Variants in MYO16 observed in about 807,000 individuals in gnomAD.
The protein encoded by MYO16 is myosin XVI.
In MYO16, 94 loss-of-function variants were observed where a neutral mutation model predicts 205.3. The ratio of observed to expected loss-of-function variants is 0.46; its 90% CI spans 0.39 to 0.54. The LOEUF (loss-of-function observed/expected upper bound fraction) is 0.54. Ranked by LOEUF, MYO16 falls within the 20% of genes least tolerant of loss-of-function variation. MYO16 has a pLI of 0.00. For missense variants in MYO16, 2,315 were observed against 2,387.5 expected (o/e 0.97, Z 0.63); for synonymous variants, 988 against 954.0 (o/e 1.04, Z -0.66).
intron 9 of MYO16, among the ~76,000 whole-genome samples, chr13:108,824,237 G>A (rs1031764273): frequency 6.6e-5 from 10 of 151,870 alleles, no homozygotes; most frequent in Non-Finnish European, 1.3e-4. Flanking sequence ...ATTAAACATT[G>A]GAAAGCTTGT....
At chr13:108,801,479 T>G (rs1237665350) in intron 6 of MYO16, among the ~76,000 whole-genome samples, 2 of 152,210 alleles carry the variant, frequency 1.3e-5, no homozygotes. Context: ...TATATGATAA[T>G]CACCAACAAA....
chr13:108,918,774 A>G (rs942529654), intron 16 of MYO16, among the ~76,000 whole-genome samples: 32 of 152,270 alleles, frequency 2.1e-4, no homozygotes, highest in African/African-American at 7.5e-4. Flanking sequence ...CCCCATCTCT[A>G]CTAAAAATAC....
chr13:109,052,533 T>C (rs1887279218), intron 25 of MYO16, 58 bp downstream of exon 25: 2 of 1,320,154 alleles, frequency 1.5e-6, no homozygotes, highest in Non-Finnish European at 2.1e-6. Context: ...TATATTTGCT[T>C]CTTTTTTTTT....
chr13:108,595,132 T>C (rs1262209112), upstream of MYO16, among the ~76,000 whole-genome samples: 3 of 152,232 alleles, frequency 2.0e-5, no homozygotes, highest in Non-Finnish European at 4.4e-5. Flanking sequence ...TCTTGACTTC[T>C]GTGGTGAGTA....
intron 28 of MYO16, among the ~76,000 whole-genome samples, chr13:109,117,147 C>G (rs145250157): frequency 1.3e-3 from 191 of 152,188 alleles, no homozygotes; most frequent in African/African-American, 4.5e-3. Flanking sequence ...TGCTGAATGA[C>G]TCTAGGGTCT....
intron 11 of MYO16, among the ~76,000 whole-genome samples, chr13:108,862,735 C>T (rs1287395222): frequency 6.6e-6 from 1 of 152,092 alleles, no homozygotes; most frequent in African/African-American, 2.4e-5. Flanking sequence ...GTTAATTTAA[C>T]AATTTCAATT....
intron 23 of MYO16, among the ~76,000 whole-genome samples, chr13:109,020,575 C>T (rs901122685): frequency 1.3e-5 from 2 of 152,166 alleles, no homozygotes; most frequent in African/African-American, 4.8e-5. Context: ...CCCTTAAACT[C>T]CATTACATTA....
chr13:109,061,446 T>C (rs913130370), intron 27 of MYO16, among the ~76,000 whole-genome samples: 1 of 152,206 alleles, frequency 6.6e-6, no homozygotes, highest in Non-Finnish European at 1.5e-5. Context: ...CTTCCTTTTA[T>C]GTAAAAACTT....
At chr13:108,695,217 A>T (rs7982938) in intron 2 of MYO16, among the ~76,000 whole-genome samples, 1 of 152,086 alleles carries the variant, frequency 6.6e-6, no homozygotes, top group Non-Finnish European at 1.5e-5. Context: ...GAGGTAACAT[A>T]CCACCTTCAT....
intron 1 of MYO16, among the ~76,000 whole-genome samples, chr13:108,636,361 T>TG (rs1266809434): frequency 4.7e-3 from 444 of 95,134 alleles, no homozygotes; most frequent in Non-Finnish European, 6.6e-3. Flanking sequence ...TTTTTTTTTT[T>TG]TTTTTTTTTG....
chr13:109,023,727 A>T (rs1422403038), intron 23 of MYO16, among the ~76,000 whole-genome samples: 2 of 133,318 alleles, frequency 1.5e-5, no homozygotes, highest in Non-Finnish European at 1.5e-5. Flanking sequence ...ATATGTATAT[A>T]TGCATATATA....
At chr13:108,651,546 G>A (rs1881005517) in intron 1 of MYO16, among the ~76,000 whole-genome samples, 1 of 152,166 alleles carries the variant, frequency 6.6e-6, no homozygotes, top group South Asian at 2.1e-4. Context: ...TTTATGTCAT[G>A]TGTATTGGTG....
At chr13:109,174,615 C>G (rs1015992717) in intron 33 of MYO16, among the ~76,000 whole-genome samples, 1 of 152,108 alleles carries the variant, frequency 6.6e-6, no homozygotes, top group African/African-American at 2.4e-5. Flanking sequence ...AGAATTCAAA[C>G]CCTCTTGCCA....
At chr13:108,864,616 C>A (rs566043630) in intron 11 of MYO16, among the ~76,000 whole-genome samples, 1 of 152,194 alleles carries the variant, frequency 6.6e-6, no homozygotes, top group East Asian at 1.9e-4. Flanking sequence ...GCAGCCTCAA[C>A]CTTCCAGGAT....
At chr13:108,588,723 G>T in the MYO16 span, among the ~76,000 whole-genome samples, 17 of 152,082 alleles carry the variant, frequency 1.1e-4, no homozygotes, top group African/African-American at 4.1e-4. Context: ...ATGTGTCATT[G>T]CCAAGGCGTG....
In MYO16 at chr13:109,159,811, C is replaced by T. The variant is rs76685315; in HGVS notation, c.5165-5090C>T. 8.1e-4 allele frequency among the ~76,000 whole-genome samples: 123 copies of T among 152,276 alleles called. 2 individuals carry two copies. In the East Asian group the frequency reaches 0.021, roughly 26 times the overall value. ...AGAGAGGCTGGGAGGCTGACAGGGC[C>T]GGGAAGGCAAGACCGAGGCCAAGGC... On this transcript the variant is annotated intron_variant, in intron 32 of 34. Coordinates refer to ENST00000457511, the MANE Select transcript of MYO16 (RefSeq NM_001198950.3).
At chr13:109,069,096 G>T (rs1887846559) in intron 27 of MYO16, among the ~76,000 whole-genome samples, 1 of 152,090 alleles carries the variant, frequency 6.6e-6, no homozygotes, top group Non-Finnish European at 1.5e-5. Context: ...TAAAACAAAA[G>T]AGCAGTTCTA....
chr13:109,087,155 A>G (rs183321825), intron 27 of MYO16, among the ~76,000 whole-genome samples: 78 of 152,274 alleles, frequency 5.1e-4, no homozygotes, highest in African/African-American at 1.9e-3. Context: ...TTGCTGTAAA[A>G]CCAGCCATGT....
At chr13:108,611,053 C>T (rs1262760454) in intron 1 of MYO16, among the ~76,000 whole-genome samples, 1 of 152,096 alleles carries the variant, frequency 6.6e-6, no homozygotes, top group Non-Finnish European at 1.5e-5. Context: ...TAAAGATATC[C>T]ATTAGGTATC....
Sources: allele counts gnomAD v4.1 joint callset (sites outside exome capture counted in the v4.1 genomes callset), GRCh38; gene constraint gnomAD v4.1.1; transcripts MANE v1.5; gene names NCBI Gene and HGNC (gene_info 2026-07-23, HGNC 2026-07-21).